Variants in ANKRD6 observed in about 807,000 individuals in gnomAD.
ANKRD6 encodes the protein ankyrin repeat domain 6, also known as ankyrin repeat domain-containing protein 6.
A neutral mutation model predicts 82.3 loss-of-function variants in ANKRD6; 56 were observed. That is an observed-to-expected ratio of 0.68 (90% CI 0.55 to 0.85). The LOEUF (loss-of-function observed/expected upper bound fraction) is 0.85, where lower values mean the gene tolerates loss of function less well. ANKRD6 is among the 40% of genes least tolerant of loss of function. The pLI is 0.00. For synonymous variants in ANKRD6, 347 were observed against 352.1 expected (o/e 0.99, Z 0.16); for missense variants, 852 against 907.6 (o/e 0.94, Z 0.79).
At chr6:89,621,555 C>T (rs577778197) in intron 9 of ANKRD6, 4 of 231,034 alleles carry the variant, frequency 1.7e-5, no homozygotes, top group African/African-American at 6.8e-5. Flanking sequence ...GGGGCTGCTG[C>T]GTTGCACAAC....
chr6:89,582,293 G>C (rs1792732914), intron 2 of ANKRD6, among the ~76,000 whole-genome samples: 1 of 152,018 alleles, frequency 6.6e-6, no homozygotes, highest in Non-Finnish European at 1.5e-5. Flanking sequence ...GGCCTCAAGA[G>C]ATCCTCCCAC....
chr6:89,566,687 A>G, intron 1 of ANKRD6, 147 bp from the exon 2 acceptor site: 1 of 328,190 alleles, frequency 3.0e-6, no homozygotes, highest in Non-Finnish European at 5.9e-6. Flanking sequence ...TTTGCTGTGG[A>G]GTGTGCTTCC....
chr6:89,518,168 C>T (rs1220644216), intron 1 of ANKRD6, among the ~76,000 whole-genome samples: 3 of 151,892 alleles, frequency 2.0e-5, no homozygotes, highest in East Asian at 3.9e-4. Context: ...TTTGGGAGGC[C>T]GAGGCGGGTG....
chr6:89,437,611 A>C (rs1388316645), intron 1 of ANKRD6, among the ~76,000 whole-genome samples: 1 of 152,216 alleles, frequency 6.6e-6, no homozygotes, highest in African/African-American at 2.4e-5. Flanking sequence ...ATTTAATTTT[A>C]AGAGTGTCTT....
At chr6:89,452,903 G>A (rs548800598) in intron 1 of ANKRD6, among the ~76,000 whole-genome samples, 2 of 152,288 alleles carry the variant, frequency 1.3e-5, no homozygotes, top group South Asian at 4.1e-4. Flanking sequence ...ACTTTCTGTG[G>A]CTTTTCTTTT....
intron 1 of ANKRD6, among the ~76,000 whole-genome samples, chr6:89,523,962 T>C (rs753283387): frequency 2.0e-5 from 3 of 152,108 alleles, no homozygotes; most frequent in Non-Finnish European, 2.9e-5. Context: ...CTATAATAAA[T>C]TGAACTCATA....
intron 1 of ANKRD6, among the ~76,000 whole-genome samples, chr6:89,554,557 A>T (rs1046797725): frequency 1.3e-5 from 2 of 152,228 alleles, no homozygotes; most frequent in Non-Finnish European, 2.9e-5. Context: ...TTATCTGGAA[A>T]CATGAAAAAG....
chr6:89,564,349 G>A (rs1210306172), intron 1 of ANKRD6, among the ~76,000 whole-genome samples: 5 of 152,094 alleles, frequency 3.3e-5, no homozygotes, highest in African/African-American at 1.2e-4. Flanking sequence ...TTTCTGCTTG[G>A]CCAATGTTTT....
intron 2 of ANKRD6, among the ~76,000 whole-genome samples, chr6:89,573,304 C>T (rs1790358408): frequency 6.6e-6 from 1 of 152,052 alleles, no homozygotes; most frequent in Non-Finnish European, 1.5e-5. Flanking sequence ...TGATAGTTAC[C>T]CTAATTTTTT....
At chr6:89,622,984 G>A (rs1804062810) in intron 10 of ANKRD6, among the ~76,000 whole-genome samples, 1 of 135,224 alleles carries the variant, frequency 7.4e-6, no homozygotes, top group Admixed American at 8.3e-5. Context: ...CTTACTCTTT[G>A]CCATGAGTGT....
At chr6:89,465,935 TG>T (rs1227963110) in intron 1 of ANKRD6, among the ~76,000 whole-genome samples, 1 of 152,200 alleles carries the variant, frequency 6.6e-6, no homozygotes, top group Non-Finnish European at 1.5e-5. Context: ...TAGGTTATTA[TG>T]GATAAAGTAC....
chr6:89,580,999 A>G (rs1792395543), intron 2 of ANKRD6, among the ~76,000 whole-genome samples: 1 of 152,136 alleles, frequency 6.6e-6, no homozygotes. Flanking sequence ...CAGAAGGCAC[A>G]AAGTTTGCCT....
chr6:89,553,779 C>G (rs1183873423), intron 1 of ANKRD6, among the ~76,000 whole-genome samples: 1 of 152,168 alleles, frequency 6.6e-6, no homozygotes, highest in African/African-American at 2.4e-5. Flanking sequence ...ATGCCCATAT[C>G]AAGTGCTTCC....
Position 89,630,672 on chromosome 6 carries a change from A to T in ANKRD6, c.1852A>T (p.Thr618Ser), listed in dbSNP as rs748541935. The T allele has an allele frequency of 2.6e-5, 42 of 1,613,992 alleles. No individual in the cohort carries two copies. The highest frequency in any genetic ancestry group is 3.4e-5 in the Non-Finnish European group (40 of 1,179,864). The change falls in exon 16 of 16, where the codon ACT becomes TCT. Residue 618 changes from threonine to serine, a missense_variant. Physicochemically the swap from Thr to Ser is moderately conservative, Grantham distance 58 (BLOSUM62 1). Coordinates refer to ENST00000339746, the MANE Select transcript of ANKRD6 (RefSeq NM_001242809.2). Reference sequence around the variant, plus strand: ...GGCTGGGCCCTGCGTCAACAGAGGCACTCAAACTAAGAAGTCTGGGAAGAG... The same window carrying T: ...GGCTGGGCCCTGCGTCAACAGAGGCTCTCAAACTAAGAAGTCTGGGAAGAG... ...QQAGPCVNRGTQTKKSGKSGP... is the reference protein window; with the variant it reads ...QQAGPCVNRGSQTKKSGKSGP...
intron 1 of ANKRD6, among the ~76,000 whole-genome samples, chr6:89,527,856 C>T (rs1039748379): frequency 3.9e-5 from 6 of 151,988 alleles, no homozygotes; most frequent in African/African-American, 9.7e-5. Context: ...GTCACTCAGG[C>T]GGGAGTATAA....
At chr6:89,500,369 T>C (rs892107756) in intron 1 of ANKRD6, among the ~76,000 whole-genome samples, 4 of 152,152 alleles carry the variant, frequency 2.6e-5, no homozygotes, top group Admixed American at 1.3e-4. Context: ...ACCCTGAAGT[T>C]CCTGGCATGA....
chr6:89,605,908 C>T (rs978531988), intron 4 of ANKRD6, 99 bp from the exon 5 acceptor site: 9 of 748,206 alleles, frequency 1.2e-5, no homozygotes, highest in African/African-American at 5.2e-5. Context: ...TGAGAAAGGC[C>T]GTCTGGTGTT....
intron 1 of ANKRD6, among the ~76,000 whole-genome samples, chr6:89,517,752 C>T (rs1335636968): frequency 4.6e-5 from 7 of 152,288 alleles, no homozygotes; most frequent in South Asian, 2.1e-4. Flanking sequence ...GTCCTTATGA[C>T]AGTTAATTGC....
At position 89,617,946 on chromosome 6, in the gene ANKRD6, C is replaced by T. The variant is rs1393300921; in HGVS notation, c.715-8C>T. 2 of 1,613,776 alleles carry T rather than the reference C, an allele frequency of 1.2e-6. No homozygotes were observed. The highest frequency in any genetic ancestry group is 1.3e-5 in the African/African-American group (1 of 75,052). On this transcript the variant is annotated splice_region_variant and splice_polypyrimidine_tract_variant and intron_variant, in intron 8 of 15. Transcript: ENST00000339746. ...CTTTCTCACCTGTCCTACTCTGCCT[C>T]TCCTCAGGCAGGCCAGACTCCGCTG...
Sources: gnomAD v4.1 joint callset for allele counts (sites outside exome capture counted in the v4.1 genomes callset) on GRCh38, gnomAD v4.1.1 for gene constraint, MANE v1.5 for transcripts, NCBI Gene and HGNC (gene_info 2026-07-23, HGNC 2026-07-21) for gene names.